Variants in WDR70 observed in about 807,000 individuals in gnomAD.
The protein encoded by WDR70 is WD repeat domain 70.
Under a neutral mutation model 88.6 loss-of-function variants are expected in WDR70, and 53 were observed. The observed-to-expected ratio is 0.60, with a 90% CI of 0.48 to 0.75. WDR70 has a LOEUF of 0.75. WDR70 is among the 30% of genes least tolerant of loss of function. The pLI is 0.00. For missense variants in WDR70, 610 were observed against 823.2 expected (o/e 0.74, Z 3.17); for synonymous variants, 280 against 270.0 (o/e 1.04, Z -0.36).
chr5:37,521,703 TACAC>T (rs59206188), intron 9 of WDR70, among the ~76,000 whole-genome samples: 3,970 of 145,024 alleles, frequency 0.027, 73 homozygotes, highest in African/African-American at 0.06. Flanking sequence ...AGTCCAAGTA[TACAC>T]ACACACACAC....
chr5:37,610,504 C>A (rs1265061995), intron 10 of WDR70, among the ~76,000 whole-genome samples: 1 of 151,558 alleles, frequency 6.6e-6, no homozygotes, highest in Non-Finnish European at 1.5e-5. Flanking sequence ...TGTCATTGTC[C>A]CATCTCTATC....
intron 9 of WDR70, among the ~76,000 whole-genome samples, chr5:37,585,516 G>A (rs1185464819): frequency 6.6e-6 from 1 of 152,146 alleles, no homozygotes; most frequent in Non-Finnish European, 1.5e-5. Context: ...GGTTCTATCA[G>A]TGACTTCTTC....
At chr5:37,557,901 A>ATACTCTTTTGAATACTCTACAAAAGAG (rs1561900701) in intron 9 of WDR70, among the ~76,000 whole-genome samples, 1 of 30,806 alleles carries the variant, frequency 3.2e-5, no homozygotes, top group Non-Finnish European at 6.7e-5. Flanking sequence ...CTTCAGATTT[A>ATACTCTTTTGAATACTCTACAAAAGAG]TACTCTTTTG....
chr5:37,564,410 G>T (rs1010517225), intron 9 of WDR70, among the ~76,000 whole-genome samples: 3 of 152,086 alleles, frequency 2.0e-5, no homozygotes, highest in South Asian at 4.1e-4. Context: ...GCCTGCAATC[G>T]CAGGCACTGG....
chr5:37,615,687 T>C (rs1470178931), intron 10 of WDR70, among the ~76,000 whole-genome samples: 1 of 152,258 alleles, frequency 6.6e-6, no homozygotes, highest in Non-Finnish European at 1.5e-5. Context: ...CAGGATTATA[T>C]GCCAGAACTT....
chr5:37,674,738 G>C (rs1427650705), intron 10 of WDR70, among the ~76,000 whole-genome samples: 1 of 151,810 alleles, frequency 6.6e-6, no homozygotes, highest in Non-Finnish European at 1.5e-5. Context: ...AATCCTTTGG[G>C]TATATACCCA....
At chr5:37,630,385 A>G (rs1418297232) in intron 10 of WDR70, among the ~76,000 whole-genome samples, 1 of 151,836 alleles carries the variant, frequency 6.6e-6, no homozygotes, top group African/African-American at 2.4e-5. Context: ...TGTTTCTCAG[A>G]CCCTTGTTGA....
intron 9 of WDR70, among the ~76,000 whole-genome samples, chr5:37,580,423 G>C (rs2112424404): frequency 6.6e-6 from 1 of 152,184 alleles, no homozygotes; most frequent in South Asian, 2.1e-4. Context: ...CATTGCTCTG[G>C]GTCTGATACA....
At chr5:37,658,120 G>A (rs1325826697) in intron 10 of WDR70, among the ~76,000 whole-genome samples, 1 of 151,988 alleles carries the variant, frequency 6.6e-6, no homozygotes, top group Non-Finnish European at 1.5e-5. Context: ...TTAAGTGGAA[G>A]TGGATCACTA....
chr5:37,445,508 C>CT (rs1299380015), intron 7 of WDR70, among the ~76,000 whole-genome samples: 1 of 152,010 alleles, frequency 6.6e-6, no homozygotes, highest in Non-Finnish European at 1.5e-5. Flanking sequence ...CTAAAATTCT[C>CT]TTTTTTTGTT....
chr5:37,590,522 A>T (rs967474777), intron 9 of WDR70, among the ~76,000 whole-genome samples: 3 of 152,174 alleles, frequency 2.0e-5, no homozygotes, highest in African/African-American at 7.2e-5. Flanking sequence ...TTTTTTGAAA[A>T]AAGTCTTTGC....
At chr5:37,529,271 T>C (rs962510996) in intron 9 of WDR70, among the ~76,000 whole-genome samples, 1 of 152,168 alleles carries the variant, frequency 6.6e-6, no homozygotes, top group Non-Finnish European at 1.5e-5. Context: ...TCCAGATTTG[T>C]TGTTTTTGCT....
chr5:37,643,097 C>A (rs992776714), intron 10 of WDR70, among the ~76,000 whole-genome samples: 1 of 152,030 alleles, frequency 6.6e-6, no homozygotes, highest in African/African-American at 2.4e-5. Flanking sequence ...CTAGTGTTTT[C>A]TTGTAGTAGT....
intron 9 of WDR70, among the ~76,000 whole-genome samples, chr5:37,600,727 T>C (rs1743856674): frequency 6.6e-6 from 1 of 152,110 alleles, no homozygotes; most frequent in South Asian, 2.1e-4. Context: ...CCCACTAGAA[T>C]GGTTATAATA....
In WDR70 at chr5:37,427,376, G is replaced by A. The variant is rs369851159; in HGVS notation, c.493-10546G>A. ...TGCAGTCCGGCCTGGGCGAAAGAGC[G>A]AGACTCCATCTCAAAAATAAAAAAT... On this transcript the variant is annotated intron_variant, in intron 5 of 17. Coordinates refer to ENST00000265107, the MANE Select transcript of WDR70 (RefSeq NM_018034.4). 5.8e-4 allele frequency among the ~76,000 whole-genome samples: 82 copies of A among 142,020 alleles called. No homozygotes were observed. The Middle Eastern group carries it at 0.011, about 20-fold the overall frequency. The allele number at this position is 142,020 out of a possible 152,430, so 93.2% of individuals were successfully genotyped here.
intron 10 of WDR70, among the ~76,000 whole-genome samples, chr5:37,684,367 C>T (rs1746520625): frequency 6.6e-6 from 1 of 152,222 alleles, no homozygotes; most frequent in South Asian, 2.1e-4. Flanking sequence ...GGAAAGAAGG[C>T]ACTCTGGCTT....
At chr5:37,492,268 G>A (rs896795149) in intron 8 of WDR70, among the ~76,000 whole-genome samples, 22 of 151,994 alleles carry the variant, frequency 1.4e-4, no homozygotes, top group Non-Finnish European at 2.4e-4. Context: ...TTCCATATTC[G>A]TAATTCACTT....
chr5:37,570,218 G>C (rs1742862604), intron 9 of WDR70, among the ~76,000 whole-genome samples: 1 of 152,126 alleles, frequency 6.6e-6, no homozygotes, highest in African/African-American at 2.4e-5. Flanking sequence ...TGACTCAATG[G>C]TGAGTATAAT....
chr5:37,542,679 C>A (rs1741864268), intron 9 of WDR70, among the ~76,000 whole-genome samples: 1 of 152,024 alleles, frequency 6.6e-6, no homozygotes, highest in African/African-American at 2.4e-5. Context: ...GCAGGCATTA[C>A]ACAAATCATG....
Sources: gnomAD v4.1 joint callset for allele counts (sites outside exome capture counted in the v4.1 genomes callset) on GRCh38, gnomAD v4.1.1 for gene constraint, MANE v1.5 for transcripts, NCBI Gene and HGNC (gene_info 2026-07-23, HGNC 2026-07-21) for gene names.